ZNF385D: variants seen among roughly 807,000 people sequenced by gnomAD.
The protein encoded by ZNF385D is zinc finger protein 385D.
A neutral mutation model predicts 35.8 loss-of-function variants in ZNF385D; 15 were observed. The ratio of observed to expected loss-of-function variants is 0.42; its 90% confidence interval spans 0.28 to 0.64. ZNF385D has a LOEUF of 0.64. Among genes scored for constraint, ZNF385D ranks in the 30% least tolerant of loss-of-function variants. ZNF385D has a pLI of 0.23. For synonymous variants in ZNF385D, 212 were observed against 186.8 expected (o/e 1.13, Z -1.10); for missense variants, 474 against 494.6 (o/e 0.96, Z 0.39).
chr3:21,687,484 C>T (rs1020652252), intron 1 of ZNF385D, among the ~76,000 whole-genome samples: 3 of 152,072 alleles, frequency 2.0e-5, no homozygotes, highest in Admixed American at 1.3e-4. Flanking sequence ...CATATACCCT[C>T]GGCCGCTACA....
intron 3 of ZNF385D, among the ~76,000 whole-genome samples, chr3:21,511,959 C>CTGT (rs1191697933): frequency 2.0e-5 from 3 of 151,080 alleles, no homozygotes; most frequent in Non-Finnish European, 1.5e-5. Flanking sequence ...CTATCCTGGC[C>CTGT]AACATGGTGA....
intron 3 of ZNF385D, among the ~76,000 whole-genome samples, chr3:21,811,617 A>G (rs2072924639): frequency 6.6e-6 from 1 of 152,352 alleles, no homozygotes; most frequent in African/African-American, 2.4e-5. Flanking sequence ...AAACTTGTGA[A>G]GAAATAAAAG....
rs1338397685 is a variant in ZNF385D, at chr3:22,301,045, T to C, written c.106+71405A>G. 2.0e-5 allele frequency among the ~76,000 whole-genome samples: 3 copies of C among 152,006 alleles called. No individual in the cohort carries two copies. In the East Asian group the frequency reaches 5.8e-4, roughly 29 times the overall value. Reference sequence around the variant, plus strand: ...GATACAGAAACAACCTAGGTGTCATTCAACGTAATAAAGAAAACGTGTTCT... The same window carrying C: ...GATACAGAAACAACCTAGGTGTCATCCAACGTAATAAAGAAAACGTGTTCT... On this transcript the variant is annotated intron_variant, in intron 2 of 5. Transcript: ENST00000494108.
chr3:21,445,671 A>G (rs113071475), intron 4 of ZNF385D, among the ~76,000 whole-genome samples: 3 of 152,306 alleles, frequency 2.0e-5, no homozygotes, highest in African/African-American at 7.2e-5. Context: ...AATATACTCC[A>G]TAACATAACT....
chr3:22,093,938 C>T (rs1701465271), intron 3 of ZNF385D, among the ~76,000 whole-genome samples: 1 of 152,074 alleles, frequency 6.6e-6, no homozygotes, highest in Non-Finnish European at 1.5e-5. Flanking sequence ...ACTAGCACTC[C>T]AAACAGCTCC....
chr3:22,016,175 T>C (rs1229163767), intron 3 of ZNF385D, among the ~76,000 whole-genome samples: 1 of 152,046 alleles, frequency 6.6e-6, no homozygotes, highest in East Asian at 1.9e-4. Context: ...CCAGCAGTGA[T>C]TTTTCTTCTA....
intron 3 of ZNF385D, among the ~76,000 whole-genome samples, chr3:21,859,116 G>T (rs776138676): frequency 1.3e-5 from 2 of 152,024 alleles, no homozygotes; most frequent in African/African-American, 2.4e-5. Context: ...AAGTAGAAAT[G>T]CCATCTGGAA....
chr3:22,047,237 C>A (rs1699057778), intron 3 of ZNF385D, among the ~76,000 whole-genome samples: 1 of 151,494 alleles, frequency 6.6e-6, no homozygotes, highest in South Asian at 2.1e-4. Context: ...AGCTCACATA[C>A]TTTTTTTTTG....
intron 2 of ZNF385D, among the ~76,000 whole-genome samples, chr3:22,171,914 G>T (rs79173275): frequency 0.026 from 3,831 of 146,442 alleles, 174 homozygotes; most frequent in African/African-American, 0.091. Flanking sequence ...TATAGATTTT[G>T]CAGGAAAACT....
chr3:21,538,816 T>C (rs1284371556), intron 3 of ZNF385D, among the ~76,000 whole-genome samples: 1 of 152,176 alleles, frequency 6.6e-6, no homozygotes, highest in East Asian at 1.9e-4. Context: ...AGATTTATCA[T>C]TTCATATTAC....
chr3:22,327,406 G>A (rs977786408), intron 2 of ZNF385D, among the ~76,000 whole-genome samples: 2 of 152,138 alleles, frequency 1.3e-5, no homozygotes, highest in African/African-American at 4.8e-5. Flanking sequence ...TACACTCTAA[G>A]TTCCATGGGC....
At chr3:22,306,573 G>C (rs560383117) in intron 2 of ZNF385D, among the ~76,000 whole-genome samples, 3 of 152,234 alleles carry the variant, frequency 2.0e-5, no homozygotes, top group African/African-American at 7.2e-5. Context: ...GTGGGAGAAG[G>C]AGGGCAATCA....
chr3:21,659,878 G>A (rs2066183217), intron 2 of ZNF385D, among the ~76,000 whole-genome samples: 1 of 151,932 alleles, frequency 6.6e-6, no homozygotes, highest in South Asian at 2.1e-4. Context: ...CAAAATCTCA[G>A]GCCCCTCCCC....
chr3:21,565,876 ACT>A (rs577360063), intron 2 of ZNF385D, among the ~76,000 whole-genome samples: 1 of 152,148 alleles, frequency 6.6e-6, no homozygotes, highest in Non-Finnish European at 1.5e-5. Flanking sequence ...GTCAGAAATG[ACT>A]CTCTAATATT....
At chr3:22,100,742 G>C (rs1270228245) in intron 3 of ZNF385D, among the ~76,000 whole-genome samples, 6 of 151,322 alleles carry the variant, frequency 4.0e-5, no homozygotes, top group African/African-American at 1.5e-4. Flanking sequence ...TAGATGACGA[G>C]TTAGTGGGTG....
chr3:21,563,874 T>G (rs760360239), intron 3 of ZNF385D, among the ~76,000 whole-genome samples: 7 of 152,090 alleles, frequency 4.6e-5, no homozygotes, highest in Non-Finnish European at 7.4e-5. Flanking sequence ...TTTTTCCCAT[T>G]GGCCACAGAT....
chr3:22,265,728 C>A (rs1160698868), intron 2 of ZNF385D, among the ~76,000 whole-genome samples: 1 of 151,810 alleles, frequency 6.6e-6, no homozygotes, highest in Non-Finnish European at 1.5e-5. Flanking sequence ...CTGGGCCTCC[C>A]GGACAAAGAA....
At chr3:22,361,807 TA>T (rs1559541564) in intron 2 of ZNF385D, among the ~76,000 whole-genome samples, 2 of 151,958 alleles carry the variant, frequency 1.3e-5, no homozygotes. Flanking sequence ...TGACCTTTCT[TA>T]GTTTTGCTTC....
chr3:21,636,380 A>ATATATATATATATATATATATATGAT (rs2065439842), intron 2 of ZNF385D, among the ~76,000 whole-genome samples: 1 of 13,680 alleles, frequency 7.3e-5, no homozygotes, highest in East Asian at 1.3e-3. Context: ...ATATATGATT[A>ATATATATATATATATATATATATGAT]TATATATATA....
Sources: allele counts gnomAD v4.1 joint callset (sites outside exome capture counted in the v4.1 genomes callset), GRCh38; gene constraint gnomAD v4.1.1; transcripts MANE v1.5; gene names NCBI Gene and HGNC (gene_info 2026-07-23, HGNC 2026-07-21).